Variants in TSHZ2 observed in about 807,000 individuals in gnomAD.
TSHZ2 encodes the protein teashirt homolog 2.
Under a neutral mutation model 74.4 loss-of-function variants are expected in TSHZ2, and 21 were observed. The ratio of observed to expected loss-of-function variants is 0.28; its 90% CI spans 0.20 to 0.41. TSHZ2 has a LOEUF of 0.41. Ranked by LOEUF, TSHZ2 falls within the 10% of genes least tolerant of loss-of-function variation. The pLI is 1.00. For synonymous variants in TSHZ2, 540 were observed against 515.3 expected, an observed-to-expected ratio of 1.05 and a Z score of -0.65; for missense variants, 1,244 against 1,293.5, an observed-to-expected ratio of 0.96 and a Z score of 0.59.
chr20:53,323,326 G>T (rs2145527911), intron 2 of TSHZ2, among the ~76,000 whole-genome samples: 1 of 152,196 alleles, frequency 6.6e-6, no homozygotes, highest in East Asian at 1.9e-4. Flanking sequence ...TGGTTCACAA[G>T]GTGACATCGA....
At chr20:53,410,874 C>T (rs751229685) in intron 2 of TSHZ2, among the ~76,000 whole-genome samples, 4 of 151,970 alleles carry the variant, frequency 2.6e-5, no homozygotes, top group Non-Finnish European at 5.9e-5. Context: ...GGTGTTTCAC[C>T]ATTTTGGCCA....
chr20:53,431,589 C>A (rs1338293998), intron 2 of TSHZ2, among the ~76,000 whole-genome samples: 1 of 152,096 alleles, frequency 6.6e-6, no homozygotes, highest in Non-Finnish European at 1.5e-5. Context: ...GGCTCTTTAC[C>A]TGTAGCAACT....
chr20:53,365,522 G>A (rs1362032202), intron 2 of TSHZ2, among the ~76,000 whole-genome samples: 1 of 152,180 alleles, frequency 6.6e-6, no homozygotes, highest in Admixed American at 6.5e-5. Flanking sequence ...AAGTGAAATG[G>A]AAACTGACCA....
At chr20:53,450,559 CA>C (rs1984737323) in intron 2 of TSHZ2, among the ~76,000 whole-genome samples, 1 of 152,316 alleles carries the variant, frequency 6.6e-6, no homozygotes, top group Non-Finnish European at 1.5e-5. Flanking sequence ...CTCTGTCACC[CA>C]AGCTCCAGGA....
At chr20:53,207,274 G>A (rs929635211) in intron 1 of TSHZ2, among the ~76,000 whole-genome samples, 8 of 152,138 alleles carry the variant, frequency 5.3e-5, no homozygotes, top group African/African-American at 1.4e-4. Flanking sequence ...AGAAATCCAC[G>A]AGCACCAATA....
intron 2 of TSHZ2, among the ~76,000 whole-genome samples, chr20:53,342,955 CTTTTTTTTTTTTTTTTT>C (rs1175907478): frequency 9.8e-5 from 6 of 61,218 alleles, no homozygotes; most frequent in South Asian, 8.2e-4. Context: ...CTTTTCTTTT[CTTTTTTTTTTTTTTTTT>C]TTTTTTTTTT....
chr20:53,351,395 G>T (rs990084349), intron 2 of TSHZ2, among the ~76,000 whole-genome samples: 1 of 152,076 alleles, frequency 6.6e-6, no homozygotes, highest in African/African-American at 2.4e-5. Context: ...ATAACCCAAA[G>T]AATCTATGAT....
chr20:53,223,887 T>C (rs924881073), intron 1 of TSHZ2, among the ~76,000 whole-genome samples: 1 of 134,620 alleles, frequency 7.4e-6, no homozygotes, highest in African/African-American at 2.9e-5. Context: ...GAAAAAAATG[T>C]TACAGGACTA....
At chr20:53,468,108 C>A (rs562197949) in intron 2 of TSHZ2, among the ~76,000 whole-genome samples, 1 of 152,306 alleles carries the variant, frequency 6.6e-6, no homozygotes, top group East Asian at 1.9e-4. Context: ...TTTGTCAAAG[C>A]ATCATACTGA....
At chr20:53,000,039 A>G (rs1017722349) in intron 1 of TSHZ2, among the ~76,000 whole-genome samples, 1 of 152,226 alleles carries the variant, frequency 6.6e-6, no homozygotes, top group Non-Finnish European at 1.5e-5. Flanking sequence ...ATGTCCAAAT[A>G]GTTCATCTTC....
intron 2 of TSHZ2, among the ~76,000 whole-genome samples, chr20:53,305,228 G>A (rs1978480140): frequency 6.6e-6 from 1 of 152,066 alleles, no homozygotes. Context: ...ATGAGCCACC[G>A]CGCCTGGCCC....
At chr20:53,071,391 T>C (rs561065157) in intron 1 of TSHZ2, among the ~76,000 whole-genome samples, 1 of 152,356 alleles carries the variant, frequency 6.6e-6, no homozygotes, top group Non-Finnish European at 1.5e-5. Flanking sequence ...ACTGCTAAAT[T>C]AAAATTCACA....
At chr20:53,143,631 G>A (rs1370848311) in intron 1 of TSHZ2, among the ~76,000 whole-genome samples, 1 of 152,124 alleles carries the variant, frequency 6.6e-6, no homozygotes, top group Non-Finnish European at 1.5e-5. Context: ...GGAAGAGCTT[G>A]CAGTGAGCCA....
chr20:53,332,926 T>C (rs1000361861), intron 2 of TSHZ2, among the ~76,000 whole-genome samples: 2 of 152,192 alleles, frequency 1.3e-5, no homozygotes, highest in Admixed American at 1.3e-4. Context: ...ACCTCTTCTT[T>C]TACTCCTTCT....
At chr20:53,152,975 G>A (rs1456119414) in intron 1 of TSHZ2, among the ~76,000 whole-genome samples, 1 of 152,202 alleles carries the variant, frequency 6.6e-6, no homozygotes, top group Non-Finnish European at 1.5e-5. Flanking sequence ...GCTGACAGAG[G>A]AATGAGTAGA....
intron 2 of TSHZ2, among the ~76,000 whole-genome samples, chr20:53,441,632 G>T (rs1984333159): frequency 6.6e-6 from 1 of 151,840 alleles, no homozygotes; most frequent in Non-Finnish European, 1.5e-5. Context: ...ACCCAGGCTG[G>T]AGTGTAGTAG....
intron 1 of TSHZ2, among the ~76,000 whole-genome samples, chr20:53,153,024 G>A (rs1600714497): frequency 6.6e-6 from 1 of 152,154 alleles, no homozygotes; most frequent in East Asian, 1.9e-4. Context: ...ATATTCCAGG[G>A]AAAGGGAGCA....
chr20:53,201,215 A>C (rs1988996926), intron 1 of TSHZ2, among the ~76,000 whole-genome samples: 1 of 152,196 alleles, frequency 6.6e-6, no homozygotes, highest in African/African-American at 2.4e-5. Flanking sequence ...ACACATTATC[A>C]CAAACGTAGT....
At chr20:53,400,399 C>G (rs1381681494) in intron 2 of TSHZ2, 1 of 152,296 alleles carries the variant, frequency 6.6e-6, no homozygotes, top group Non-Finnish European at 1.5e-5. Flanking sequence ...GTCGAAGTTG[C>G]AATGGACAGC....
Sources: gnomAD v4.1 joint callset for allele counts (sites outside exome capture counted in the v4.1 genomes callset) on GRCh38, gnomAD v4.1.1 for gene constraint, MANE v1.5 for transcripts, NCBI Gene and HGNC (gene_info 2026-07-23, HGNC 2026-07-21) for gene names.